PRKG1: variants seen among roughly 807,000 people sequenced by gnomAD.
The protein encoded by PRKG1 is cGMP-dependent protein kinase 1.
Under a neutral mutation model 88.1 loss-of-function variants are expected in PRKG1, and 35 were observed. The observed-to-expected ratio is 0.40, with a 90% CI of 0.30 to 0.53. PRKG1 has a LOEUF of 0.53. PRKG1 is among the 20% of genes least tolerant of loss of function. The pLI, the probability that PRKG1 is intolerant of heterozygous loss-of-function variation, is 0.59. For synonymous variants in PRKG1, 303 were observed against 292.5 expected (o/e 1.04, Z -0.37); for missense variants, 540 against 839.8 (o/e 0.64, Z 4.41).
At chr10:51,486,841 T>A (rs1840557131) in intron 3 of PRKG1, among the ~76,000 whole-genome samples, 1 of 152,176 alleles carries the variant, frequency 6.6e-6, no homozygotes, top group Admixed American at 6.5e-5. Flanking sequence ...CACCAGTGCT[T>A]GCTATATTGT....
rs573545762 is a variant in PRKG1, at chr10:52,021,817, T to C, written c.763-32667T>C. Among the ~76,000 whole-genome samples, 7 of 152,326 alleles carry C rather than the reference T, an allele frequency of 4.6e-5. No individual in the cohort carries two copies. In the South Asian group the frequency reaches 1.5e-3, roughly 32 times the overall value. On this transcript the variant is annotated intron_variant, in intron 5 of 17. Coordinates refer to ENST00000373980, the MANE Select transcript of PRKG1 (RefSeq NM_006258.4). ...AGCCAGATTCTACAATGTAACCTAA[T>C]GAATTATTATTTACATTTCATTTTG...
At chr10:51,766,424 C>T (rs1336810422) in intron 3 of PRKG1, among the ~76,000 whole-genome samples, 1 of 152,078 alleles carries the variant, frequency 6.6e-6, no homozygotes, top group Non-Finnish European at 1.5e-5. Context: ...GGGAAAGTCT[C>T]CTGAGTAGCC....
chr10:51,422,101 C>G (rs186120172), intron 2 of PRKG1, among the ~76,000 whole-genome samples: 173 of 152,312 alleles, frequency 1.1e-3, no homozygotes, highest in Non-Finnish European at 8.1e-4. Context: ...TTCAGTTCAT[C>G]TACTTACCAG....
At chr10:51,976,301 A>C (rs1014424004) in intron 5 of PRKG1, among the ~76,000 whole-genome samples, 2 of 152,040 alleles carry the variant, frequency 1.3e-5, no homozygotes, top group Non-Finnish European at 2.9e-5. Flanking sequence ...AAACTTCTAC[A>C]TGGATGTCCA....
intron 3 of PRKG1, among the ~76,000 whole-genome samples, chr10:51,509,944 C>T (rs189193272): frequency 2.0e-4 from 31 of 152,158 alleles, no homozygotes; most frequent in African/African-American, 7.0e-4. Context: ...GGTGGGAGAC[C>T]TAGAACCTGC....
intron 9 of PRKG1, among the ~76,000 whole-genome samples, chr10:52,204,021 A>T (rs976525075): frequency 6.6e-6 from 1 of 152,006 alleles, no homozygotes; most frequent in African/African-American, 2.4e-5. Context: ...GTTTACATTC[A>T]AGGTTAATAT....
chr10:51,780,848 C>A (rs1296507198), intron 3 of PRKG1, among the ~76,000 whole-genome samples: 2 of 152,080 alleles, frequency 1.3e-5, no homozygotes, highest in African/African-American at 4.8e-5. Flanking sequence ...CATTTGTAAA[C>A]CAAGAAGATG....
At chr10:51,908,775 G>A (rs113932696) in intron 5 of PRKG1, 24,525 of 136,206 alleles carry the variant, frequency 0.18, 2,575 homozygotes, top group East Asian at 0.47. Context: ...TGTCGCCCAG[G>A]CTGGAGTGCA....
chr10:51,553,282 A>G (rs1201363519), intron 3 of PRKG1, among the ~76,000 whole-genome samples: 1 of 151,766 alleles, frequency 6.6e-6, no homozygotes, highest in East Asian at 1.9e-4. Flanking sequence ...AAAACCTTAT[A>G]TTAATTCTTT....
intron 2 of PRKG1, among the ~76,000 whole-genome samples, chr10:51,267,662 A>G (rs1839870990): frequency 6.6e-6 from 1 of 152,184 alleles, no homozygotes; most frequent in Non-Finnish European, 1.5e-5. Flanking sequence ...AATCAACTCA[A>G]GATGGTTCAA....
At chr10:52,125,577 A>G (rs972363667) in intron 7 of PRKG1, among the ~76,000 whole-genome samples, 3 of 152,144 alleles carry the variant, frequency 2.0e-5, no homozygotes, top group African/African-American at 7.2e-5. Flanking sequence ...ATTGCCCTCA[A>G]TTGGAACACG....
Position 50,991,695 on chromosome 10 carries a change from AGGCTGGGGGCTCTGGCCGCGGCGGCGG to A in PRKG1, c.266+54_266+80del. On this transcript the variant is annotated intron_variant, in intron 1 of 17. Transcript: ENST00000401604. This position sits in a 1 kb window ranked among gnomAD's most constrained non-coding sequence, Gnocchi z 4.5. The stretch of plus-strand genomic sequence containing the variant: ...GCGCTCGTCCCGGCCCGCGGCGCAG[AGGCTGGGGGCTCTGGCCGCGGCGGCGG>A]GGGCGGGTCGGCCCAGGGCGCCCCC... The A allele has an allele frequency of 7.6e-7, 1 of 1,320,636 alleles. No individual in the cohort carries two copies. The highest frequency in any genetic ancestry group is 9.7e-7 in the Non-Finnish European group (1 of 1,030,634). 81.8% of individuals were successfully genotyped at this position (1,320,636 alleles called of 1,614,324 possible). A position where few individuals can be genotyped will look rare whatever the true frequency, so the allele number is the denominator to read the frequency against.
At chr10:52,004,061 A>G (rs573287037) in intron 5 of PRKG1, among the ~76,000 whole-genome samples, 2 of 152,216 alleles carry the variant, frequency 1.3e-5, no homozygotes, top group Non-Finnish European at 2.9e-5. Flanking sequence ...CGTAATAAGC[A>G]TTCAATAAAT....
At chr10:51,898,144 A>G (rs1223980891) in intron 4 of PRKG1, among the ~76,000 whole-genome samples, 2 of 152,128 alleles carry the variant, frequency 1.3e-5, no homozygotes, top group African/African-American at 4.8e-5. Context: ...GCTCTTCCCC[A>G]GAATCCAGTT....
intron 1 of PRKG1, among the ~76,000 whole-genome samples, chr10:51,004,078 CA>C (rs1842916289): frequency 2.6e-5 from 4 of 152,080 alleles, no homozygotes; most frequent in African/African-American, 9.6e-5. Context: ...AGTCCTAGGT[CA>C]AAAAAACTAT....
chr10:51,720,229 A>G (rs1841980000), intron 3 of PRKG1, among the ~76,000 whole-genome samples: 1 of 152,188 alleles, frequency 6.6e-6, no homozygotes, highest in South Asian at 2.1e-4. Context: ...AGGACCTTCC[A>G]TAATTCATTC....
At chr10:52,174,245 C>T (rs961716238) in intron 9 of PRKG1, among the ~76,000 whole-genome samples, 13 of 151,392 alleles carry the variant, frequency 8.6e-5, no homozygotes, top group Non-Finnish European at 1.5e-4. Context: ...AAGAATTCTG[C>T]ATTTCACATG....
chr10:51,369,700 C>T (rs978494237), intron 2 of PRKG1, among the ~76,000 whole-genome samples: 2 of 152,066 alleles, frequency 1.3e-5, no homozygotes, highest in Admixed American at 1.3e-4. Flanking sequence ...TTAATAGCTC[C>T]TCTCCATCCT....
intron 2 of PRKG1, among the ~76,000 whole-genome samples, chr10:51,192,162 A>G (rs1318860855): frequency 6.6e-6 from 1 of 151,780 alleles, no homozygotes; most frequent in East Asian, 1.9e-4. Flanking sequence ...TTACACATAG[A>G]GATGTCCAGT....
Sources: allele counts gnomAD v4.1 joint callset (sites outside exome capture counted in the v4.1 genomes callset), GRCh38; gene constraint gnomAD v4.1.1; non-coding constraint Gnocchi (gnomAD v3.1); transcripts MANE v1.5; gene names NCBI Gene and HGNC (gene_info 2026-07-23, HGNC 2026-07-21).